The following MLIP variants were observed in gnomAD, a reference collection of about 807,000 sequenced individuals.
The protein encoded by MLIP is muscular LMNA-interacting protein.
MLIP carries 79 observed loss-of-function variants against 84.8 expected under a neutral mutation model. That is an observed-to-expected ratio of 0.93 (90% confidence interval 0.78 to 1.12). The LOEUF (loss-of-function observed/expected upper bound fraction) is 1.12, where lower values mean the gene tolerates loss of function less well. Ranked by LOEUF, MLIP falls within the 50% of genes most tolerant of loss-of-function variation. The pLI is 0.00. For missense variants in MLIP, 1,257 were observed against 1,160.6 expected, an observed-to-expected ratio of 1.08 and a Z score of -1.21; for synonymous variants, 504 against 463.0, an observed-to-expected ratio of 1.09 and a Z score of -1.14.
At chr6:54,062,102 A>G (rs1342635824) in intron 1 of MLIP, among the ~76,000 whole-genome samples, 1 of 152,246 alleles carries the variant, frequency 6.6e-6, no homozygotes, top group African/African-American at 2.4e-5. Context: ...GCATATGGAA[A>G]CATACATTCT....
intron 9 of MLIP, among the ~76,000 whole-genome samples, chr6:54,188,153 C>T (rs1369010930): frequency 6.6e-6 from 1 of 152,088 alleles, no homozygotes; most frequent in Non-Finnish European, 1.5e-5. Context: ...TGAATGGAGC[C>T]TGCAGGACTG....
intron 1 of MLIP, among the ~76,000 whole-genome samples, chr6:54,041,770 C>T (rs1383501669): frequency 6.6e-6 from 1 of 151,942 alleles, no homozygotes; most frequent in Non-Finnish European, 1.5e-5. Flanking sequence ...AAGTATTTTG[C>T]TGTCGATTAG....
At chr6:54,252,163 T>A (rs1233350157) in intron 12 of MLIP, among the ~76,000 whole-genome samples, 1 of 100,596 alleles carries the variant, frequency 9.9e-6, no homozygotes, top group Non-Finnish European at 1.7e-5. Flanking sequence ...ATATAATATA[T>A]AACTATATTA....
At chr6:54,178,586 G>A (rs115004810) in intron 9 of MLIP, among the ~76,000 whole-genome samples, 1,904 of 152,002 alleles carry the variant, frequency 0.013, 46 homozygotes, top group African/African-American at 0.042. Context: ...TTGGTATTTC[G>A]CATTTCCATT....
intron 3 of MLIP, among the ~76,000 whole-genome samples, chr6:54,135,991 G>A (rs1771767529): frequency 1.3e-5 from 2 of 152,092 alleles, no homozygotes; most frequent in Non-Finnish European, 2.9e-5. Flanking sequence ...AAGTGTTCGG[G>A]CTTCTTTTGA....
chr6:54,192,612 T>C lies in MLIP; in HGVS notation c.2589+2698T>C, dbSNP rs958325788. Among the ~76,000 whole-genome samples, 6 of 151,800 alleles carry C rather than the reference T, an allele frequency of 4.0e-5. No homozygotes were observed. In the East Asian group the frequency reaches 5.8e-4, roughly 15 times the overall value. On this transcript the variant is annotated intron_variant, in intron 10 of 13. Coordinates refer to ENST00000502396, the MANE Select transcript of MLIP (RefSeq NM_001281747.2). Reference sequence around the variant, plus strand: ...AGAATGTCTTTGATAAACAAAACTTTGATATATATATTTATATTTTTATAT... The same window carrying C: ...AGAATGTCTTTGATAAACAAAACTTCGATATATATATTTATATTTTTATAT...
chr6:54,244,454 A>G (rs74621228), intron 12 of MLIP, among the ~76,000 whole-genome samples: 2,031 of 152,316 alleles, frequency 0.013, 46 homozygotes, highest in African/African-American at 0.047. Context: ...AATGTGTTTA[A>G]TTCATTCACA....
chr6:54,213,225 C>G (rs1779586344), intron 11 of MLIP, among the ~76,000 whole-genome samples: 1 of 152,130 alleles, frequency 6.6e-6, no homozygotes, highest in South Asian at 2.1e-4. Context: ...GAACATCAAA[C>G]TTTTCACTTA....
At chr6:54,196,859 C>T (rs942902576) in intron 10 of MLIP, among the ~76,000 whole-genome samples, 1 of 152,006 alleles carries the variant, frequency 6.6e-6, no homozygotes, top group Non-Finnish European at 1.5e-5. Context: ...GTGGTAACTG[C>T]TGTGGAGAAA....
chr6:54,185,711 A>T lies in MLIP; in HGVS notation c.2545-4159A>T, dbSNP rs370019058. Among the ~76,000 whole-genome samples the T allele has an allele frequency of 1.2e-4, 18 of 152,288 alleles. No homozygotes were observed. In the South Asian group the frequency reaches 1.9e-3, roughly 16 times the overall value. On this transcript the variant is annotated intron_variant, in intron 9 of 13. Coordinates refer to ENST00000502396, the MANE Select transcript of MLIP (RefSeq NM_001281747.2). The stretch of plus-strand genomic sequence containing the variant: ...TCAGTTATGATGCATTTAATTCAGC[A>T]TATTTCACAGAAGCTATTCATTTAA...
At chr6:54,223,057 A>G (rs1780323739) in intron 11 of MLIP, among the ~76,000 whole-genome samples, 1 of 151,458 alleles carries the variant, frequency 6.6e-6, no homozygotes, top group South Asian at 2.1e-4. Flanking sequence ...TCCCTTGCCC[A>G]TTTTTTAATT....
intron 1 of MLIP, among the ~76,000 whole-genome samples, chr6:54,028,116 A>C (rs1362280671): frequency 6.6e-6 from 1 of 152,202 alleles, no homozygotes; most frequent in Non-Finnish European, 1.5e-5. Flanking sequence ...TCATGAAAAT[A>C]AGGAGATGAT....
intron 1 of MLIP, among the ~76,000 whole-genome samples, chr6:54,075,840 T>C (rs1323687907): frequency 6.6e-6 from 1 of 152,216 alleles, no homozygotes; most frequent in Non-Finnish European, 1.5e-5. Flanking sequence ...AAAACTTCTC[T>C]GATCTGCCAG....
rs142613357 is a variant in MLIP at position 54,160,375 on chromosome 6, T to A, written c.2298T>A (p.Asp766Glu). Reference protein sequence around the residue: ...NTLLLEQKALDEPAKTESVSK... With the variant: ...NTLLLEQKALEEPAKTESVSK... Reference sequence around the variant, plus strand: ...ATTTCATTTGTCACTAGGCACTAGATGAACCAGCCAAGACTGAAAGTGTCT... The same window carrying A: ...ATTTCATTTGTCACTAGGCACTAGAAGAACCAGCCAAGACTGAAAGTGTCT... The change falls in exon 6 of 14, where the codon GAT (aspartate) becomes GAA (glutamate). Residue 766 changes from aspartate (D) to glutamate (E), a missense_variant. By Grantham distance (45) the Asp-to-Glu change is conservative (BLOSUM62 2). Coordinates refer to ENST00000502396, the MANE Select transcript of MLIP (RefSeq NM_001281747.2). 55 of 1,612,000 alleles carry A rather than the reference T, an allele frequency of 3.4e-5. No individual in the cohort carries two copies. In the African/African-American group the frequency reaches 5.6e-4, roughly 16 times the overall value.
chr6:54,028,671 C>T (rs191868054), intron 1 of MLIP, among the ~76,000 whole-genome samples: 3 of 152,302 alleles, frequency 2.0e-5, no homozygotes, highest in African/African-American at 4.8e-5. Flanking sequence ...ATTCATTCAG[C>T]CCAGCAATCC....
intron 11 of MLIP, among the ~76,000 whole-genome samples, chr6:54,212,357 T>C (rs532044573): frequency 2.6e-5 from 4 of 152,304 alleles, no homozygotes; most frequent in South Asian, 2.1e-4. Flanking sequence ...TCTGTGTTTA[T>C]GTCTTTAAAT....
At chr6:54,088,987 C>T (rs115113053) in intron 1 of MLIP, among the ~76,000 whole-genome samples, 1,607 of 152,088 alleles carry the variant, frequency 0.011, 29 homozygotes, top group African/African-American at 0.038. Flanking sequence ...AGAATTTTTA[C>T]TGTTTTTAGT....
At chr6:54,207,537 A>G (rs921341873) in intron 11 of MLIP, among the ~76,000 whole-genome samples, 5 of 151,504 alleles carry the variant, frequency 3.3e-5, no homozygotes, top group Non-Finnish European at 7.4e-5. Flanking sequence ...TTTCTTTTCC[A>G]TGCCCCTCTT....
chr6:54,177,328 G>T (rs1275694201), intron 9 of MLIP, among the ~76,000 whole-genome samples: 1 of 151,724 alleles, frequency 6.6e-6, no homozygotes, highest in African/African-American at 2.4e-5. Flanking sequence ...AATCTACAAG[G>T]AACTTAAACA....
Sources: allele counts gnomAD v4.1 joint callset (sites outside exome capture counted in the v4.1 genomes callset), GRCh38; gene constraint gnomAD v4.1.1; transcripts MANE v1.5; gene names NCBI Gene and HGNC (gene_info 2026-07-23, HGNC 2026-07-21).